Variants in COL21A1 observed in about 807,000 individuals in gnomAD.
COL21A1 encodes collagen type XXI alpha 1 chain.
Under a neutral mutation model 137.9 loss-of-function variants are expected in COL21A1, and 149 were observed. The observed-to-expected ratio is 1.08, with a 90% CI of 0.95 to 1.24. The LOEUF is 1.24. COL21A1 is among the 50% of genes most tolerant of loss of function. The pLI is 0.00. For missense variants in COL21A1, 1,167 were observed against 1,158.4 expected (o/e 1.01, Z -0.11); for synonymous variants, 456 against 391.5 (o/e 1.16, Z -1.95).
chr6:56,229,622 T>G (rs1371391090), intron 1 of COL21A1, among the ~76,000 whole-genome samples: 4 of 151,942 alleles, frequency 2.6e-5, no homozygotes, highest in African/African-American at 9.7e-5. Flanking sequence ...AGCTGTCTAG[T>G]GGCTCTGCTC....
chr6:56,110,695 C>T (rs544608755), intron 16 of COL21A1, among the ~76,000 whole-genome samples: 7 of 151,818 alleles, frequency 4.6e-5, no homozygotes, highest in African/African-American at 1.7e-4. Context: ...ATGCTAGCAA[C>T]AAACTGAAAA....
chr6:56,251,877 G>A (rs892155692), upstream of COL21A1, among the ~76,000 whole-genome samples: 2 of 152,212 alleles, frequency 1.3e-5, no homozygotes, highest in African/African-American at 4.8e-5. Flanking sequence ...AAGGATATTT[G>A]TGAAGGGAGT....
chr6:56,149,806 T>TC (rs1775142959), intron 10 of COL21A1, among the ~76,000 whole-genome samples: 1 of 152,200 alleles, frequency 6.6e-6, no homozygotes, highest in Non-Finnish European at 1.5e-5. Flanking sequence ...TGCCATCCTC[T>TC]CACCCCTGGA....
At chr6:56,390,304 C>A (rs2094026788) in intron 1 of COL21A1, among the ~76,000 whole-genome samples, 1 of 152,016 alleles carries the variant, frequency 6.6e-6, no homozygotes, top group African/African-American at 2.4e-5. Context: ...TTGCAAGCCT[C>A]ATGATAACCA....
At chr6:56,379,732 A>G (rs1385740477) in intron 1 of COL21A1, among the ~76,000 whole-genome samples, 1 of 151,990 alleles carries the variant, frequency 6.6e-6, no homozygotes, top group Non-Finnish European at 1.5e-5. Context: ...TTAATATTGT[A>G]TCATTTTATA....
At chr6:56,273,196 C>T (rs1182194915) in intron 1 of COL21A1, among the ~76,000 whole-genome samples, 3 of 152,022 alleles carry the variant, frequency 2.0e-5, no homozygotes, top group African/African-American at 7.2e-5. Context: ...AAAATAGGGA[C>T]ACAACACAAC....
intron 1 of COL21A1, among the ~76,000 whole-genome samples, chr6:56,211,198 T>TATGTAC (rs1780151427): frequency 1.9e-4 from 4 of 20,616 alleles, no homozygotes; most frequent in African/African-American, 1.0e-3. Flanking sequence ...TATATATGTA[T>TATGTAC]ATATACATAT....
chr6:56,322,354 AC>A (rs1328095927), intron 1 of COL21A1, among the ~76,000 whole-genome samples: 1 of 152,050 alleles, frequency 6.6e-6, no homozygotes, highest in Non-Finnish European at 1.5e-5. Context: ...CACCATATTC[AC>A]CTGACCTCTC....
chr6:56,308,441 C>T (rs554763377), intron 1 of COL21A1, among the ~76,000 whole-genome samples: 1 of 152,282 alleles, frequency 6.6e-6, no homozygotes, highest in African/African-American at 2.4e-5. Context: ...ATAAATTAAC[C>T]TTGAGTACAT....
intron 1 of COL21A1, among the ~76,000 whole-genome samples, chr6:56,218,730 G>A (rs1780638797): frequency 6.6e-6 from 1 of 152,114 alleles, no homozygotes; most frequent in Non-Finnish European, 1.5e-5. Flanking sequence ...GGGTCTTAAA[G>A]CAGCAGAGAC....
intron 1 of COL21A1, among the ~76,000 whole-genome samples, chr6:56,225,178 T>C (rs1401443273): frequency 6.6e-6 from 1 of 152,072 alleles, no homozygotes; most frequent in Non-Finnish European, 1.5e-5. Context: ...AAACATTTCA[T>C]TTTCCTTTGA....
chr6:56,291,104 C>T (rs1254208917), intron 1 of COL21A1, among the ~76,000 whole-genome samples: 1 of 152,100 alleles, frequency 6.6e-6, no homozygotes, highest in Non-Finnish European at 1.5e-5. Flanking sequence ...GGGAAAGAAA[C>T]CACAGCAGTT....
chr6:56,313,030 G>A (rs1031003004), intron 1 of COL21A1, among the ~76,000 whole-genome samples: 21 of 152,120 alleles, frequency 1.4e-4, no homozygotes, highest in Admixed American at 1.3e-3. Context: ...TAATTGTTGT[G>A]ACTACTTATC....
At chr6:56,295,746 T>TATATAGGGAAATAG (rs1162622657) in intron 1 of COL21A1, among the ~76,000 whole-genome samples, 23 of 147,014 alleles carry the variant, frequency 1.6e-4, no homozygotes, top group Admixed American at 2.7e-4. Flanking sequence ...TATTCATTCC[T>TATATAGGGAAATAG]GGTATATAGG....
intron 1 of COL21A1, among the ~76,000 whole-genome samples, chr6:56,222,103 T>A (rs1287907904): frequency 6.6e-6 from 1 of 151,926 alleles, no homozygotes; most frequent in African/African-American, 2.4e-5. Context: ...TGAAACCCCA[T>A]CTCTACTAAA....
chr6:56,390,197 A>G (rs1423070513), intron 1 of COL21A1, among the ~76,000 whole-genome samples: 1 of 138,360 alleles, frequency 7.2e-6, no homozygotes, highest in African/African-American at 2.6e-5. Flanking sequence ...CAAAGTGCAG[A>G]GTTTTTTTAG....
intron 1 of COL21A1, among the ~76,000 whole-genome samples, chr6:56,208,225 G>C (rs1779922017): frequency 6.6e-6 from 1 of 152,088 alleles, no homozygotes; most frequent in African/African-American, 2.4e-5. Context: ...TATTCAAATA[G>C]ATGATATGAT....
chr6:56,166,638 T>A (rs1582535953), intron 7 of COL21A1: 3 of 498,088 alleles, frequency 6.0e-6, no homozygotes, highest in Middle Eastern at 5.7e-4. Flanking sequence ...GCGACAAGAG[T>A]GAGACTCCAA....
intron 17 of COL21A1, among the ~76,000 whole-genome samples, chr6:56,078,602 A>C (rs989637297): frequency 6.6e-6 from 1 of 151,688 alleles, no homozygotes. Flanking sequence ...AGAATCTGCC[A>C]TTATCTTTAT....
Sources: gnomAD v4.1 joint callset for allele counts (sites outside exome capture counted in the v4.1 genomes callset) on GRCh38, gnomAD v4.1.1 for gene constraint, MANE v1.5 for transcripts, NCBI Gene and HGNC (gene_info 2026-07-23, HGNC 2026-07-21) for gene names.